CCR3: variants seen among roughly 807,000 people sequenced by gnomAD.
CCR3 encodes the protein C-C chemokine receptor type 3.
For missense variants in CCR3, 419 were observed against 437.5 expected, an observed-to-expected ratio of 0.96 and a Z score of 0.38; for synonymous variants, 203 against 179.2, an observed-to-expected ratio of 1.13 and a Z score of -1.06.
At chr3:46,251,906 C>T (rs1177896644) in intron 1 of CCR3, among the ~76,000 whole-genome samples, 3 of 152,036 alleles carry the variant, frequency 2.0e-5, no homozygotes, top group Non-Finnish European at 4.4e-5. Flanking sequence ...AAGGCAAGGA[C>T]CAGCCATTTA....
intron 1 of CCR3, among the ~76,000 whole-genome samples, chr3:46,249,429 T>C (rs9714378): frequency 6.6e-6 from 1 of 151,922 alleles, no homozygotes; most frequent in Non-Finnish European, 1.5e-5. Context: ...GGAAACAGGC[T>C]CTTGAAAAGA....
intron 2 of CCR3, among the ~76,000 whole-genome samples, chr3:46,221,498 C>G (rs998170120): frequency 1.5e-4 from 23 of 152,260 alleles, no homozygotes; most frequent in African/African-American, 5.5e-4. Flanking sequence ...ATGCCCCCCG[C>G]AGCCCAATCC....
intron 2 of CCR3, among the ~76,000 whole-genome samples, chr3:46,223,431 A>ACAT (rs1699859696): frequency 1.3e-5 from 2 of 152,242 alleles, no homozygotes; most frequent in Non-Finnish European, 2.9e-5. Context: ...TATCTGTATT[A>ACAT]CATCTTTTCT....
At chr3:46,219,934 A>G (rs1368108394) in intron 2 of CCR3, among the ~76,000 whole-genome samples, 1 of 152,232 alleles carries the variant, frequency 6.6e-6, no homozygotes, top group African/African-American at 2.4e-5. Context: ...GCCTAAGCAA[A>G]GAGTTCATGT....
At chr3:46,213,173 G>C (rs1324047643) in intron 2 of CCR3, among the ~76,000 whole-genome samples, 2 of 152,148 alleles carry the variant, frequency 1.3e-5, no homozygotes, top group African/African-American at 4.8e-5. Context: ...TCAGGGGCTT[G>C]AAATCACAGT....
At chr3:46,223,681 T>C (rs922749969) in intron 2 of CCR3, among the ~76,000 whole-genome samples, 8 of 152,162 alleles carry the variant, frequency 5.3e-5, no homozygotes, top group African/African-American at 1.9e-4. Flanking sequence ...TTATTCAGAG[T>C]GACATTATCA....
intron 2 of CCR3, among the ~76,000 whole-genome samples, chr3:46,232,818 C>G (rs1383174364): frequency 6.6e-6 from 1 of 152,218 alleles, no homozygotes; most frequent in Non-Finnish European, 1.5e-5. Context: ...AATAGGCTAT[C>G]TATCAGGGGA....
At chr3:46,214,441 G>A (rs768270220) in intron 2 of CCR3, among the ~76,000 whole-genome samples, 1 of 152,078 alleles carries the variant, frequency 6.6e-6, no homozygotes, top group Non-Finnish European at 1.5e-5. Flanking sequence ...CATCTTGTCA[G>A]TTTTTCCTGC....
intron 2 of CCR3, among the ~76,000 whole-genome samples, chr3:46,233,301 A>G (rs375325066): frequency 6.6e-6 from 1 of 152,212 alleles, no homozygotes; most frequent in African/African-American, 2.4e-5. Flanking sequence ...CTGGAGCCCC[A>G]CATTTCTGGC....
intron 1 of CCR3, chr3:46,264,668 T>C (rs1003106536): frequency 1.8e-5 from 9 of 502,554 alleles, no homozygotes; most frequent in Non-Finnish European, 2.4e-5. Context: ...TGGAGAAGCA[T>C]AATTACTTGT....
At chr3:46,225,484 A>G (rs944951725) in intron 2 of CCR3, among the ~76,000 whole-genome samples, 6 of 152,256 alleles carry the variant, frequency 3.9e-5, no homozygotes, top group Non-Finnish European at 8.8e-5. Flanking sequence ...TTTGTAAGAA[A>G]GTGCCATGCT....
chr3:46,251,577 G>A (rs990135772), intron 1 of CCR3, among the ~76,000 whole-genome samples: 23 of 152,142 alleles, frequency 1.5e-4, no homozygotes, highest in Non-Finnish European at 2.5e-4. Flanking sequence ...TCCCAAGGGA[G>A]GTCCCACAAT....
intron 2 of CCR3, among the ~76,000 whole-genome samples, chr3:46,227,243 C>G (rs1369093023): frequency 6.6e-6 from 1 of 152,120 alleles, no homozygotes; most frequent in Non-Finnish European, 1.5e-5. Flanking sequence ...ATTCAACAAA[C>G]TAGTTTTTCT....
In CCR3 at chr3:46,265,170, A is replaced by G; in HGVS notation, c.12A>G (p.Ser4=). MTT[S]LDTVETFGTT... ...CAGGGAGAAGTGAAATGACAACCTC[A>G]CTAGATACAGTTGAGACCTTTGGTA... Residue 4 remains serine (S), a synonymous_variant, in exon 2 of 2, where the codon TCA becomes TCG. Transcript: ENST00000395940. The G allele has an allele frequency of 6.2e-7, 1 of 1,609,880 alleles. No individual in the cohort carries two copies. The highest frequency in any genetic ancestry group is 8.5e-7 in the Non-Finnish European group (1 of 1,177,060).
intron 2 of CCR3, among the ~76,000 whole-genome samples, chr3:46,221,653 C>T (rs1699838408): frequency 6.6e-6 from 1 of 152,184 alleles, no homozygotes; most frequent in Non-Finnish European, 1.5e-5. Context: ...TTCCTGTCTT[C>T]CTTTTCCCTC....
intron 1 of CCR3, among the ~76,000 whole-genome samples, chr3:46,246,670 T>C (rs1700197273): frequency 6.6e-6 from 1 of 152,132 alleles, no homozygotes; most frequent in African/African-American, 2.4e-5. Context: ...CATCTGGGCG[T>C]ATATGTGCAA....
intron 1 of CCR3, among the ~76,000 whole-genome samples, chr3:46,261,999 A>G (rs1050349882): frequency 3.9e-5 from 6 of 152,218 alleles, no homozygotes; most frequent in African/African-American, 1.4e-4. Context: ...ACCCCCACTC[A>G]GCAGACACCA....
chr3:46,227,483 G>A (rs941803345), intron 2 of CCR3, among the ~76,000 whole-genome samples: 19 of 151,926 alleles, frequency 1.3e-4, no homozygotes, highest in African/African-American at 4.6e-4. Flanking sequence ...TGTGATGGAA[G>A]TTTCTTTGAT....
intron 2 of CCR3, among the ~76,000 whole-genome samples, chr3:46,216,798 A>C (rs1200348671): frequency 1.3e-5 from 2 of 152,198 alleles, no homozygotes; most frequent in African/African-American, 4.8e-5. Context: ...AGGTAAACAA[A>C]TGCTGAGAGA....
Sources: allele counts gnomAD v4.1 joint callset (sites outside exome capture counted in the v4.1 genomes callset), GRCh38; gene constraint gnomAD v4.1.1; transcripts MANE v1.5; gene names NCBI Gene and HGNC (gene_info 2026-07-23, HGNC 2026-07-21).